Variants in RNFT2 observed in about 807,000 individuals in gnomAD.
RNFT2 encodes E3 ubiquitin-protein ligase RNFT2.
A neutral mutation model predicts 53.0 loss-of-function variants in RNFT2; 36 were observed. The observed-to-expected ratio is 0.68, with a 90% CI of 0.52 to 0.90. The LOEUF (loss-of-function observed/expected upper bound fraction) is 0.90, where lower values mean the gene tolerates loss of function less well. Ranked by LOEUF, RNFT2 falls within the 40% of genes least tolerant of loss-of-function variation. The probability of loss-of-function intolerance (pLI) is 0.00; values close to 1 mark genes in which losing one functional copy is unlikely to be tolerated. For synonymous variants in RNFT2, 260 were observed against 253.2 expected (o/e 1.03, Z -0.26); for missense variants, 514 against 585.6 (o/e 0.88, Z 1.26).
At chr12:116,808,648 A>C (rs1233292204) in intron 7 of RNFT2, among the ~76,000 whole-genome samples, 1 of 152,210 alleles carries the variant, frequency 6.6e-6, no homozygotes, top group Non-Finnish European at 1.5e-5. Flanking sequence ...GATGAAAAAC[A>C]ACCTCAGACA....
At chr12:116,819,336 G>A (rs997514939) in intron 7 of RNFT2, among the ~76,000 whole-genome samples, 1 of 152,184 alleles carries the variant, frequency 6.6e-6, no homozygotes, top group South Asian at 2.1e-4. Context: ...AGGCTCGGGG[G>A]CCTGGTACCG....
At chr12:116,824,982 G>T (rs1876247871) in intron 7 of RNFT2, among the ~76,000 whole-genome samples, 1 of 152,140 alleles carries the variant, frequency 6.6e-6, no homozygotes, top group South Asian at 2.1e-4. Context: ...CAATTTTGCA[G>T]GTCAGGAGTT....
chr12:116,841,885 ATATATAAAAAT>A (rs1414401791), intron 10 of RNFT2, among the ~76,000 whole-genome samples: 6 of 25,234 alleles, frequency 2.4e-4, no homozygotes, highest in South Asian at 2.2e-3. Flanking sequence ...ATATATAAAT[ATATATAAAAAT>A]ATATATATAT....
At chr12:116,780,416 C>T (rs1285800385) in intron 7 of RNFT2, among the ~76,000 whole-genome samples, 1 of 152,106 alleles carries the variant, frequency 6.6e-6, no homozygotes, top group Non-Finnish European at 1.5e-5. Flanking sequence ...AATACGGTTC[C>T]CACTCCTAGG....
intron 7 of RNFT2, among the ~76,000 whole-genome samples, chr12:116,782,912 C>T (rs542988446): frequency 6.6e-6 from 1 of 152,290 alleles, no homozygotes; most frequent in Non-Finnish European, 1.5e-5. Context: ...GTAAATAGCA[C>T]AGGTATTAAA....
At chr12:116,773,209 G>A (rs976372812) in intron 6 of RNFT2, among the ~76,000 whole-genome samples, 3 of 152,194 alleles carry the variant, frequency 2.0e-5, no homozygotes. Context: ...TGATCTGCCC[G>A]CCTTGGCCTC....
chr12:116,825,755 G>A (rs10850725), intron 7 of RNFT2, among the ~76,000 whole-genome samples: 81,139 of 151,972 alleles, frequency 0.53, 26,815 homozygotes, highest in Non-Finnish European at 0.72. Flanking sequence ...ATGTATGTGT[G>A]TATGTATGTG....
intron 10 of RNFT2, among the ~76,000 whole-genome samples, chr12:116,838,806 G>C (rs1384855413): frequency 6.6e-6 from 1 of 152,158 alleles, no homozygotes; most frequent in Middle Eastern, 3.2e-3. Context: ...TGTGCAACTG[G>C]ATTAGAAATT....
chr12:116,823,342 A>C (rs1481840570), intron 7 of RNFT2, among the ~76,000 whole-genome samples: 1 of 152,162 alleles, frequency 6.6e-6, no homozygotes. Context: ...TAGCTACCTG[A>C]CTTCAAATGC....
At chr12:116,836,419 G>A (rs1876974833) in intron 10 of RNFT2, 137 bp downstream of exon 10, 1 of 696,956 alleles carries the variant, frequency 1.4e-6, no homozygotes, top group Non-Finnish European at 2.4e-6. Context: ...CCAGACCTGG[G>A]TTCCAATCTC....
intron 7 of RNFT2, among the ~76,000 whole-genome samples, chr12:116,814,152 G>A (rs755983783): frequency 2.0e-5 from 3 of 152,144 alleles, no homozygotes; most frequent in Admixed American, 6.6e-5. Context: ...CACCATGCAC[G>A]TACTACCTGC....
At chr12:116,799,761 A>G (rs1034472779) in intron 7 of RNFT2, among the ~76,000 whole-genome samples, 4 of 152,122 alleles carry the variant, frequency 2.6e-5, no homozygotes, top group Admixed American at 2.0e-4. Context: ...CGTGTCTACT[A>G]AAAATATGTA....
chr12:116,849,614 A>G lies in RNFT2; in HGVS notation c.*166A>G. ...CCCCTGTCTTGTCCTTCTGACCTTC[A>G]TCTTCCTCTCTCGTTCTGTGGTATA... On this transcript the variant is annotated 3_prime_UTR_variant, in exon 11 of 11. Coordinates refer to ENST00000257575, the MANE Select transcript of RNFT2 (RefSeq NM_001382266.1). 1 of 1,391,662 alleles carries G rather than the reference A, an allele frequency of 7.2e-7. No homozygotes were observed. The highest frequency in any genetic ancestry group is 9.3e-7 in the Non-Finnish European group (1 of 1,071,252). The allele number at this position is 1,391,662 out of a possible 1,614,324, so 86.2% of individuals were successfully genotyped here. A position where few individuals can be genotyped will look rare whatever the true frequency, so the allele number is the denominator to read the frequency against.
At chr12:116,792,104 C>G (rs1484146254) in intron 7 of RNFT2, among the ~76,000 whole-genome samples, 2 of 152,116 alleles carry the variant, frequency 1.3e-5, no homozygotes, top group African/African-American at 4.8e-5. Flanking sequence ...AGCTGGAGTT[C>G]AGTGGCACAA....
intron 7 of RNFT2, among the ~76,000 whole-genome samples, chr12:116,821,802 CTTTTTTTTTTTTTT>C (rs149043452): frequency 8.7e-4 from 38 of 43,926 alleles, no homozygotes; most frequent in Admixed American, 4.3e-4. Flanking sequence ...CTACTTGTTT[CTTTTTTTTTTTTTT>C]TTTTTTTTTT....
chr12:116,831,547 A>C (rs1357868933), intron 7 of RNFT2, among the ~76,000 whole-genome samples: 1 of 145,054 alleles, frequency 6.9e-6, no homozygotes, highest in East Asian at 2.0e-4. Flanking sequence ...TTTTTTTTTT[A>C]GTATTACAAA....
At chr12:116,806,384 ATATAT>A in intron 7 of RNFT2, among the ~76,000 whole-genome samples, 6 of 100,780 alleles carry the variant, frequency 6.0e-5, no homozygotes, top group African/African-American at 2.4e-4. Flanking sequence ...AAAAAAAAAT[ATATAT>A]ATATATATAT....
Position 116,836,194 on chromosome 12 carries a change from G to T in RNFT2, c.1112G>T (p.Arg371Leu). 6.9e-6 allele frequency: 11 copies of T among 1,595,630 alleles called. No individual in the cohort carries two copies. The highest frequency in any genetic ancestry group is 2.3e-5 in the East Asian group (1 of 43,978). The change falls in exon 10 of 11, where the codon CGA (arginine) becomes CTA (leucine). Residue 371 changes from arginine (R) to leucine (L), a missense_variant. Transcript: ENST00000257575. The stretch of plus-strand genomic sequence containing the variant: ...CCTCCCTCAAAGAACTATGGAGTCC[G>T]AGCCACCGGGCAGCAGTGCACAGAA... ...LLCTSQNYGV[R>L]ATGQQCTEAG...
chr12:116,762,631 G>A (rs1387165216), intron 5 of RNFT2, among the ~76,000 whole-genome samples: 3 of 149,966 alleles, frequency 2.0e-5, no homozygotes, highest in Non-Finnish European at 4.4e-5. Context: ...CCAGGCTGGA[G>A]TGCAGTGGTG....
Sources: allele counts gnomAD v4.1 joint callset (sites outside exome capture counted in the v4.1 genomes callset), GRCh38; gene constraint gnomAD v4.1.1; transcripts MANE v1.5; gene names NCBI Gene and HGNC (gene_info 2026-07-23, HGNC 2026-07-21).